The following ABCA8 variants were observed in gnomAD, a reference collection of about 807,000 sequenced individuals.
The protein encoded by ABCA8 is ABC-type organic anion transporter ABCA8.
Under a neutral mutation model 192.3 loss-of-function variants are expected in ABCA8, and 177 were observed. That is an observed-to-expected ratio of 0.92 (90% CI 0.81 to 1.04). The LOEUF is 1.04. Among genes scored for constraint, ABCA8 ranks in the 50% least tolerant of loss-of-function variants. The probability of loss-of-function intolerance (pLI) is 0.00; values close to 1 mark genes in which losing one functional copy is unlikely to be tolerated. For synonymous variants in ABCA8, 642 were observed against 690.2 expected, an observed-to-expected ratio of 0.93 and a Z score of 1.09; for missense variants, 1,915 against 1,904.8, an observed-to-expected ratio of 1.01 and a Z score of -0.10.
intron 38 of ABCA8, 115 bp downstream of exon 38, chr17:68,869,585 G>T: frequency 1.3e-6 from 1 of 775,850 alleles, no homozygotes; most frequent in Non-Finnish European, 2.2e-6. Context: ...ATTTGAGACT[G>T]TAACTTTAAA....
In ABCA8 at chr17:68,876,623, C is replaced by T. The variant is rs546512639; in HGVS notation, c.4275+5G>A. On this transcript the variant is annotated splice_donor_5th_base_variant and intron_variant, in intron 34 of 39. Coordinates refer to ENST00000586539, the MANE Select transcript of ABCA8 (RefSeq NM_001288985.2). ...TTGCAGAGCAACACCAAGCCCTGCCCGTACCTTTCTCTTTATTCCCTCTGA... is the reference window on the plus strand; with the variant it reads ...TTGCAGAGCAACACCAAGCCCTGCCTGTACCTTTCTCTTTATTCCCTCTGA... The T allele has an allele frequency of 2.1e-5, 34 of 1,614,156 alleles. No homozygotes were observed. The East Asian group carries it at 2.7e-4, about 13-fold the overall frequency.
Position 68,940,976 on chromosome 17 carries a change from G to T in ABCA8, c.97-14C>A, listed in dbSNP as rs762164887. On this transcript the variant is annotated splice_polypyrimidine_tract_variant and intron_variant, in intron 3 of 39. Transcript: ENST00000586539. ...ATTCAGCCATTCCTATATAATACAG[G>T]AAAAAAGATAAAGAAAAGTCTTATT... 3.9e-6 allele frequency: 6 copies of T among 1,552,904 alleles called. No homozygotes were observed. In the Admixed American group the frequency reaches 1.1e-4, roughly 28 times the overall value.
At chr17:68,920,167 A>G (rs1252662320) in intron 13 of ABCA8, among the ~76,000 whole-genome samples, 8 of 152,274 alleles carry the variant, frequency 5.3e-5, no homozygotes, top group East Asian at 3.9e-4. Context: ...ATGAAATACC[A>G]TATGTTCTCA....
At chr17:68,908,448 A>G (rs906096559) in intron 17 of ABCA8, among the ~76,000 whole-genome samples, 2 of 152,250 alleles carry the variant, frequency 1.3e-5, no homozygotes, top group African/African-American at 4.8e-5. Context: ...AAGCAGCATT[A>G]TTCTGCTCTT....
intron 4 of ABCA8, among the ~76,000 whole-genome samples, chr17:68,938,867 A>G (rs182322339): frequency 2.6e-5 from 4 of 152,278 alleles, no homozygotes; most frequent in Non-Finnish European, 4.4e-5. Flanking sequence ...TTGGCTTTCA[A>G]TCAGTTAGGT....
rs778162358 is a variant in ABCA8, at chr17:68,868,120, C to T, written c.4831G>A (p.Val1611Met). The T allele has an allele frequency of 6.2e-7, 1 of 1,613,286 alleles. No homozygotes were observed. The highest frequency in any genetic ancestry group is 1.1e-5 in the South Asian group (1 of 90,992). Residue 1611 changes from valine to methionine, a missense_variant, in exon 40 of 40, where the codon GTG (valine) becomes ATG (methionine). Val to Met is a conservative substitution (Grantham distance 21, BLOSUM62 1). Transcript: ENST00000586539. ...GDFEEDFDPS[V>M]KWKLLPQEEP Reference sequence around the variant, plus strand: ...TCCTGGGGGAGGAGCTTCCACTTCACTGAGGGATCAAAATCCTCCTCAAAA... The same window carrying T: ...TCCTGGGGGAGGAGCTTCCACTTCATTGAGGGATCAAAATCCTCCTCAAAA...
At chr17:68,893,111 T>G (rs2066654645) in intron 23 of ABCA8, among the ~76,000 whole-genome samples, 1 of 152,154 alleles carries the variant, frequency 6.6e-6, no homozygotes, top group African/African-American at 2.4e-5. Context: ...TAGAATGAGA[T>G]GTAGATAAGT....
intron 23 of ABCA8, among the ~76,000 whole-genome samples, chr17:68,893,599 C>G (rs1466607444): frequency 2.0e-5 from 3 of 151,640 alleles, no homozygotes; most frequent in Admixed American, 6.6e-5. Context: ...TTCCTTCATT[C>G]ATTCGTTCAT....
At chr17:68,909,862 A>C (rs955568294) in intron 17 of ABCA8, among the ~76,000 whole-genome samples, 25 of 152,238 alleles carry the variant, frequency 1.6e-4, no homozygotes, top group African/African-American at 5.3e-4. Flanking sequence ...TTAAGTATAG[A>C]TGGTATAAAT....
chr17:68,868,594 G>A (rs568471564), intron 38 of ABCA8, among the ~76,000 whole-genome samples: 2 of 152,280 alleles, frequency 1.3e-5, no homozygotes, highest in African/African-American at 4.8e-5. Flanking sequence ...GTATTTAAAG[G>A]AGAAAATGCT....
At chr17:68,948,429 A>G (rs112950238) in intron 2 of ABCA8, among the ~76,000 whole-genome samples, 12,529 of 152,122 alleles carry the variant, frequency 0.082, 1,683 homozygotes, top group African/African-American at 0.28. Flanking sequence ...CTTTTTAATA[A>G]TCGCCATTCT....
At chr17:68,928,983 C>T (rs1351889592) in intron 9 of ABCA8, 66 bp downstream of exon 9, 2 of 1,257,796 alleles carry the variant, frequency 1.6e-6, no homozygotes, top group East Asian at 5.4e-5. Flanking sequence ...ATGATTACAG[C>T]CTATGGATTC....
At chr17:68,935,539 C>CATATATATAT (rs1567877214) in intron 5 of ABCA8, among the ~76,000 whole-genome samples, 5 of 41,826 alleles carry the variant, frequency 1.2e-4, no homozygotes, top group South Asian at 1.1e-3. Flanking sequence ...GAGTAGTATT[C>CATATATATAT]CTATATATAT....
At position 68,883,832 on chromosome 17, in the gene ABCA8, C is replaced by A; in HGVS notation, c.3666G>T (p.Trp1222Cys). ...TTCTCATTGATTTCTTTCCAAACTT[C>A]CATTCCAGACATCGAAGAGTAAAAA... is the stretch of plus-strand genomic sequence containing the variant. ...IFLFTLRCLE[W>C]KFGKKSMRKD... Residue 1222 changes from tryptophan to cysteine, a missense_variant, in exon 29 of 40, where the codon TGG (tryptophan) becomes TGT (cysteine). Transcript: ENST00000586539. 1 of 1,599,296 alleles carries A rather than the reference C, an allele frequency of 6.3e-7. No individual in the cohort carries two copies. Among genetic ancestry groups the A allele is most frequent in the South Asian group, 1.2e-5 (1 of 86,658 alleles).
chr17:68,877,211 G>A, intron 33 of ABCA8: 1 of 234,000 alleles, frequency 4.3e-6, no homozygotes, highest in Non-Finnish European at 8.1e-6. Context: ...TAGAGATGAG[G>A]TTTCACCAAG....
At chr17:68,881,253 T>A in intron 31 of ABCA8, 42 bp from the exon 32 acceptor site, 1 of 1,350,608 alleles carries the variant, frequency 7.4e-7, no homozygotes, top group South Asian at 1.2e-5. Context: ...ATTTTAATGG[T>A]AACATTAAGA....
At chr17:68,885,151 G>C (rs1420417071) in intron 27 of ABCA8, 45 bp downstream of exon 27, 2 of 1,569,768 alleles carry the variant, frequency 1.3e-6, no homozygotes, top group East Asian at 4.6e-5. Flanking sequence ...CTTCACAATT[G>C]GTCATGAGTT....
At chr17:68,891,317 A>C (rs1161735466) in intron 24 of ABCA8, among the ~76,000 whole-genome samples, 172 bp downstream of exon 24, 2 of 151,976 alleles carry the variant, frequency 1.3e-5, no homozygotes, top group Non-Finnish European at 2.9e-5. Flanking sequence ...TCTATTACCT[A>C]TTTATCTATA....
chr17:68,951,857 T>G (rs1276808345), intron 1 of ABCA8, among the ~76,000 whole-genome samples: 1 of 152,248 alleles, frequency 6.6e-6, no homozygotes, highest in African/African-American at 2.4e-5. Flanking sequence ...TCTAAACTGA[T>G]AGATAACTAT....
Sources: gnomAD v4.1 joint callset for allele counts (sites outside exome capture counted in the v4.1 genomes callset) on GRCh38, gnomAD v4.1.1 for gene constraint, MANE v1.5 for transcripts, NCBI Gene and HGNC (gene_info 2026-07-23, HGNC 2026-07-21) for gene names.